GRID1: variants seen among roughly 807,000 people sequenced by gnomAD.
GRID1 encodes glutamate receptor ionotropic, delta-1.
A neutral mutation model predicts 98.0 loss-of-function variants in GRID1; 28 were observed. The observed-to-expected ratio is 0.29, with a 90% CI of 0.21 to 0.39. GRID1 has a LOEUF of 0.39. GRID1 is among the 10% of genes least tolerant of loss of function. The pLI, the probability that GRID1 is intolerant of heterozygous loss-of-function variation, is 1.00. For missense variants in GRID1, 1,111 were observed against 1,340.5 expected (o/e 0.83, Z 2.67); for synonymous variants, 553 against 538.5 (o/e 1.03, Z -0.37).
chr10:85,924,500 G>T (rs1841748317), intron 4 of GRID1, among the ~76,000 whole-genome samples: 1 of 152,132 alleles, frequency 6.6e-6, no homozygotes, highest in African/African-American at 2.4e-5. Context: ...GGATACAATT[G>T]TTTCTTCATT....
intron 12 of GRID1, among the ~76,000 whole-genome samples, chr10:85,674,450 T>C (rs1048567162): frequency 6.6e-6 from 1 of 152,222 alleles, no homozygotes; most frequent in African/African-American, 2.4e-5. Flanking sequence ...GAGAGATTAA[T>C]GGATTAGAAA....
chr10:86,230,150 C>T (rs1371657264), intron 2 of GRID1, among the ~76,000 whole-genome samples: 5 of 152,232 alleles, frequency 3.3e-5, no homozygotes, highest in African/African-American at 1.2e-4. Context: ...CACCACGAGC[C>T]CAACTTGCCC....
At position 85,865,936 on chromosome 10, in the gene GRID1, T is replaced by TACAC. The variant is rs1295636463; in HGVS notation, c.951+3073_951+3074insGTGT. The stretch of plus-strand genomic sequence containing the variant: ...ACATATATATATATATATATATATA[T>TACAC]ATATATACACATATATATGGAGAGA... On this transcript the variant is annotated intron_variant, in intron 6 of 15. Coordinates refer to ENST00000327946, the MANE Select transcript of GRID1 (RefSeq NM_017551.3). 8.9e-5 allele frequency among the ~76,000 whole-genome samples: 10 copies of TACAC among 112,674 alleles called. 1 individual carries two copies. The highest frequency in any genetic ancestry group is 3.6e-4 in the African/African-American group (10 of 27,606). The allele number at this position is 112,674 out of a possible 152,430, so 73.9% of individuals were successfully genotyped here. A position where few individuals can be genotyped will look rare whatever the true frequency, so the allele number is the denominator to read the frequency against.
In GRID1 at chr10:85,724,578, T is replaced by C; in HGVS notation, c.1632A>G (p.Leu544=). 6.2e-7 allele frequency: 1 copy of C among 1,613,386 alleles called. No homozygotes were observed. The highest frequency in any genetic ancestry group is 8.5e-7 in the Non-Finnish European group (1 of 1,179,896). Residue 544 remains leucine (L), a synonymous_variant, in exon 11 of 16, where the codon CTA becomes CTG. Transcript: ENST00000327946. ...TGATTTTCTCCTCGGGCTTCTTAATTAGAATCCCCACTGAATAGTCCATGT... is the reference window on the plus strand; with the variant it reads ...TGATTTTCTCCTCGGGCTTCTTAATCAGAATCCCCACTGAATAGTCCATGT... The part of the protein sequence containing the change: ...KRYMDYSVGI[L]IKKPEEKISI...
At chr10:86,208,118 G>A (rs1846059653) in intron 2 of GRID1, among the ~76,000 whole-genome samples, 1 of 152,174 alleles carries the variant, frequency 6.6e-6, no homozygotes, top group South Asian at 2.1e-4. Flanking sequence ...AAGGCAGTGG[G>A]AGGCAGGGGA....
chr10:85,615,311 T>G (rs1306042907), intron 14 of GRID1, among the ~76,000 whole-genome samples: 2 of 152,192 alleles, frequency 1.3e-5, no homozygotes, highest in Non-Finnish European at 2.9e-5. Context: ...AGGGACTTGC[T>G]CCTACTAAAG....
intron 8 of GRID1, among the ~76,000 whole-genome samples, chr10:85,803,842 A>G (rs1472014274): frequency 2.0e-5 from 3 of 152,024 alleles, no homozygotes; most frequent in Non-Finnish European, 4.4e-5. Flanking sequence ...TTATATTTTG[A>G]GCTAAAAAAT....
chr10:85,915,759 TAC>T (rs1443939578), intron 5 of GRID1, among the ~76,000 whole-genome samples: 4 of 151,888 alleles, frequency 2.6e-5, no homozygotes, highest in African/African-American at 9.7e-5. Context: ...ACACCCTGCA[TAC>T]ACACTCTTGC....
intron 5 of GRID1, among the ~76,000 whole-genome samples, chr10:85,883,545 T>A (rs1841068782): frequency 6.6e-6 from 1 of 151,090 alleles, no homozygotes; most frequent in Admixed American, 6.6e-5. Context: ...TCTCTCTCTC[T>A]CTCCTCTTCC....
intron 2 of GRID1, among the ~76,000 whole-genome samples, chr10:86,298,625 G>T (rs1485059296): frequency 6.6e-6 from 1 of 152,138 alleles, no homozygotes; most frequent in Non-Finnish European, 1.5e-5. Context: ...TCCCTGGAAA[G>T]GCCCCTCCTT....
chr10:85,675,410 G>C lies in GRID1; in HGVS notation c.1998-28013C>G, dbSNP rs184228571. ...AGCCTGGGGCAAAATAATGCAGGAG[G>C]AGCTTGAACCTACCACAGGGATCCA... is the stretch of plus-strand genomic sequence containing the variant. On this transcript the variant is annotated intron_variant, in intron 12 of 15. Transcript: ENST00000327946. Among the ~76,000 whole-genome samples, 56 of 152,298 alleles carry C rather than the reference G, an allele frequency of 3.7e-4. 1 individual carries two copies. The highest frequency in any genetic ancestry group is 1.3e-3 in the African/African-American group (54 of 41,560).
At chr10:86,003,824 G>T (rs1842828916) in intron 4 of GRID1, among the ~76,000 whole-genome samples, 1 of 152,208 alleles carries the variant, frequency 6.6e-6, no homozygotes. Context: ...TATTTGCCAG[G>T]ATGTGAAAAA....
intron 4 of GRID1, among the ~76,000 whole-genome samples, chr10:85,955,296 C>T (rs1393064834): frequency 6.6e-6 from 1 of 152,166 alleles, no homozygotes; most frequent in African/African-American, 2.4e-5. Flanking sequence ...GAACCTGTAG[C>T]CATGATTAAA....
chr10:86,183,650 C>T (rs140469292), intron 3 of GRID1, among the ~76,000 whole-genome samples: 3 of 152,244 alleles, frequency 2.0e-5, no homozygotes, highest in African/African-American at 4.8e-5. Context: ...TGAGCCACCA[C>T]GCCCAGCCCA....
At chr10:85,603,258 C>A (rs1047813872) in intron 15 of GRID1, among the ~76,000 whole-genome samples, 1 of 152,224 alleles carries the variant, frequency 6.6e-6, no homozygotes, top group Non-Finnish European at 1.5e-5. Flanking sequence ...GAAGCCCTGC[C>A]TCACCCAGTG....
intron 4 of GRID1, among the ~76,000 whole-genome samples, chr10:86,129,422 C>T (rs1844802278): frequency 6.6e-6 from 1 of 152,154 alleles, no homozygotes; most frequent in Non-Finnish European, 1.5e-5. Context: ...CATTCATAGC[C>T]CAGCTCTGTC....
At chr10:85,768,955 A>G (rs1842226237) in intron 8 of GRID1, among the ~76,000 whole-genome samples, 1 of 152,254 alleles carries the variant, frequency 6.6e-6, no homozygotes, top group Non-Finnish European at 1.5e-5. Flanking sequence ...CATTTATTCA[A>G]TACTCTTTTC....
At chr10:85,778,938 C>A (rs1842358080) in intron 8 of GRID1, among the ~76,000 whole-genome samples, 1 of 152,096 alleles carries the variant, frequency 6.6e-6, no homozygotes, top group Admixed American at 6.5e-5. Context: ...AAGACAGCAT[C>A]TCCAGGAAAT....
intron 4 of GRID1, among the ~76,000 whole-genome samples, chr10:86,041,559 G>A (rs951556117): frequency 6.6e-6 from 1 of 152,144 alleles, no homozygotes; most frequent in East Asian, 1.9e-4. Flanking sequence ...ACCTGGAGCA[G>A]CCTGAGTATC....
Sources: gnomAD v4.1 joint callset for allele counts (sites outside exome capture counted in the v4.1 genomes callset) on GRCh38, gnomAD v4.1.1 for gene constraint, MANE v1.5 for transcripts, NCBI Gene and HGNC (gene_info 2026-07-23, HGNC 2026-07-21) for gene names.